LHX9: variants seen among roughly 807,000 people sequenced by gnomAD.
LHX9 encodes LIM/homeobox protein Lhx9.
A neutral mutation model predicts 36.5 loss-of-function variants in LHX9; 9 were observed. The ratio of observed to expected loss-of-function variants is 0.25; its 90% confidence interval spans 0.15 to 0.43. The LOEUF (loss-of-function observed/expected upper bound fraction) is 0.43, where lower values mean the gene tolerates loss of function less well. LHX9 is among the 20% of genes least tolerant of loss of function. The pLI, the probability that LHX9 is intolerant of heterozygous loss-of-function variation, is 1.00. For missense variants in LHX9, 464 were observed against 526.4 expected (o/e 0.88, Z 1.16); for synonymous variants, 211 against 212.1 (o/e 0.99, Z 0.04).
At position 197,929,192 on chromosome 1, in the gene LHX9, T is replaced by G. The variant is rs1400958462; in HGVS notation, c.1127T>G (p.Val376Gly). ...CCCACTATCACTGTAGTGACATCCG[T>G]GACCTCTAACATGGACAGCCACGAA... ...TNPTITVVTS[V>G]TSNMDSHESG... Residue 376 changes from valine to glycine, a missense_variant, in exon 5 of 5, where the codon GTG (valine) becomes GGG (glycine). Transcript: ENST00000367387. 2.5e-6 allele frequency: 4 copies of G among 1,602,962 alleles called. No individual in the cohort carries two copies. The African/African-American group carries it at 5.4e-5, about 22-fold the overall frequency.
rs1179171876 is a variant in LHX9 at position 197,925,142 on chromosome 1, T to C, written c.734-2449T>C. On this transcript the variant is annotated intron_variant, in intron 3 of 4. Coordinates refer to ENST00000367387, the MANE Select transcript of LHX9 (RefSeq NM_020204.3). ...CCCAACGAGCTATCTCCTTACATAT[T>C]GGATTGTGTATTTTATGTGGAAACA... Among the ~76,000 whole-genome samples, 2 of 43,730 alleles carry C rather than the reference T, an allele frequency of 4.6e-5. 1 individual carries two copies. The highest frequency in any genetic ancestry group is 2.0e-4 in the African/African-American group (2 of 10,154). 28.7% of individuals were successfully genotyped at this position (43,730 alleles called of 152,430 possible).
At chr1:197,916,996 C>A (rs554158372), upstream of LHX9, among the ~76,000 whole-genome samples, 4 of 152,132 alleles carry the variant, frequency 2.6e-5, no homozygotes, top group Non-Finnish European at 5.9e-5. Context: ...GAACTCGGAT[C>A]AAATAGGCGG....
chr1:197,918,311 G>C (rs1199871422), intron 1 of LHX9: 7 of 717,366 alleles, frequency 9.8e-6, no homozygotes, highest in Non-Finnish European at 1.6e-5. Context: ...TTGATTCCGG[G>C]GCAGGCGTCT....
At chr1:197,922,412 G>A (rs774818110) in intron 3 of LHX9, among the ~76,000 whole-genome samples, 2 of 152,142 alleles carry the variant, frequency 1.3e-5, no homozygotes, top group Non-Finnish European at 2.9e-5. Context: ...AAAACAACAT[G>A]CAGACAACAA....
chr1:197,917,359 C>G (rs1445266488), upstream of LHX9: 17 of 1,293,664 alleles, frequency 1.3e-5, no homozygotes, highest in Non-Finnish European at 1.6e-5. Context: ...TTGGACACAG[C>G]TCAGGCAGGA....
chr1:197,916,981 A>T (rs192015644), upstream of LHX9, among the ~76,000 whole-genome samples: 1 of 152,340 alleles, frequency 6.6e-6, no homozygotes, highest in East Asian at 1.9e-4. Flanking sequence ...CCAAGGTCTG[A>T]TCTTGAACTC....
chr1:197,917,468 T>C lies in LHX9; in HGVS notation c.-356T>C. On this transcript the variant is annotated 5_prime_UTR_variant, in exon 1 of 5. Coordinates refer to ENST00000367387, the MANE Select transcript of LHX9 (RefSeq NM_020204.3). The stretch of plus-strand genomic sequence containing the variant: ...TTCTTTCTTTGTGTTCAAAACTATT[T>C]TCTTTCTTCACCAGATTTTGTTTTC... 1 of 1,339,528 alleles carries C rather than the reference T, an allele frequency of 7.5e-7. No homozygotes were observed. The highest frequency in any genetic ancestry group is 1.2e-5 in the South Asian group (1 of 81,280). The allele number at this position is 1,339,528 out of a possible 1,614,324, so 83.0% of individuals were successfully genotyped here.
At chr1:197,927,848 A>G in intron 4 of LHX9, 55 bp downstream of exon 4, 3 of 1,465,454 alleles carry the variant, frequency 2.0e-6, no homozygotes, top group South Asian at 2.3e-5. Context: ...TTCCCAGTAA[A>G]AATAGTGCTC....
At chr1:197,923,785 A>G (rs1660067473) in intron 3 of LHX9, among the ~76,000 whole-genome samples, 1 of 152,210 alleles carries the variant, frequency 6.6e-6, no homozygotes, top group South Asian at 2.1e-4. Context: ...TTTAAGAAGA[A>G]TAAAAGAATC....
At chr1:197,924,242 T>G (rs539830694) in intron 3 of LHX9, among the ~76,000 whole-genome samples, 1 of 152,358 alleles carries the variant, frequency 6.6e-6, no homozygotes, top group African/African-American at 2.4e-5. Flanking sequence ...CTTGCTATCT[T>G]TCATTAAATG....
At chr1:197,918,092 G>A in intron 1 of LHX9, 95 bp downstream of exon 1, 3 of 1,404,886 alleles carry the variant, frequency 2.1e-6, no homozygotes, top group Non-Finnish European at 2.9e-6. Context: ...CGGAGCGGCG[G>A]GTCGTAGAGA....
rs939225636 is a variant in LHX9, at chr1:197,921,772, T to C, written c.733+113T>C. The C allele has an allele frequency of 1.1e-5, 9 of 834,408 alleles. No homozygotes were observed. In the Admixed American group the frequency reaches 2.6e-4, roughly 24 times the overall value. The allele number at this position is 834,408 out of a possible 1,614,324, so 51.7% of individuals were successfully genotyped here. ...AAGAGTGTGTTTTGCCCAATGCCTC[T>C]GTTCTCACTGCAACTCCCTCTCACT... On this transcript the variant is annotated intron_variant, in intron 3 of 4. Transcript: ENST00000367387. The surrounding 1 kb of genome is among the most constrained non-coding windows in gnomAD (Gnocchi z 4.6).
In LHX9 at chr1:197,934,122, A is replaced by G. The variant is rs1000093342; in HGVS notation, c.*4863A>G. 1 of 152,166 alleles carries G rather than the reference A, an allele frequency of 6.6e-6. No individual in the cohort carries two copies. The highest frequency in any genetic ancestry group is 6.5e-5 in the Admixed American group (1 of 15,280). 9.4% of individuals were successfully genotyped at this position (152,166 alleles called of 1,614,324 possible). Reference sequence around the variant, plus strand: ...CAAATAAGGATAAAACTCCATAATAAAGGACCCAAAGCAAATACTTTTAAA... The same window carrying G: ...CAAATAAGGATAAAACTCCATAATAGAGGACCCAAAGCAAATACTTTTAAA... On this transcript the variant is annotated 3_prime_UTR_variant, in exon 5 of 5. Transcript: ENST00000367387.
chr1:197,917,133 T>G, upstream of LHX9: 2 of 435,440 alleles, frequency 4.6e-6, no homozygotes, highest in Non-Finnish European at 6.1e-6. Flanking sequence ...CGCGCGCGTG[T>G]GTGTGTTTTG....
intron 2 of LHX9, 107 bp downstream of exon 2, chr1:197,920,281 G>A: frequency 2.9e-6 from 3 of 1,032,646 alleles, no homozygotes; most frequent in Middle Eastern, 4.5e-4. Context: ...CATTCCGGGT[G>A]CTGTTATCAT....
At position 197,927,700 on chromosome 1, in the gene LHX9, C is replaced by T; in HGVS notation, c.843C>T (p.Thr281=). ...RTSFKHHQLR[T]MKSYFAINHN... ...CTTTCAAGCATCACCAGCTCCGGACCATGAAATCCTACTTTGCCATCAACC... is the reference window on the plus strand; with the variant it reads ...CTTTCAAGCATCACCAGCTCCGGACTATGAAATCCTACTTTGCCATCAACC... The change falls in exon 4 of 5, where the codon ACC becomes ACT. Residue 281 remains threonine (T), a synonymous_variant. Coordinates refer to ENST00000367387, the MANE Select transcript of LHX9 (RefSeq NM_020204.3). 6.2e-7 allele frequency: 1 copy of T among 1,614,182 alleles called. No individual in the cohort carries two copies. The highest frequency in any genetic ancestry group is 2.2e-5 in the East Asian group (1 of 44,884).
rs764532873 is a variant in LHX9, at chr1:197,934,188, A to G, written c.*4929A>G. The G allele has an allele frequency of 3.3e-5, 5 of 152,204 alleles. No individual in the cohort carries two copies. The highest frequency in any genetic ancestry group is 7.4e-5 in the Non-Finnish European group (5 of 68,022). 9.4% of individuals were successfully genotyped at this position (152,204 alleles called of 1,614,324 possible). A position where few individuals can be genotyped will look rare whatever the true frequency, so the allele number is the denominator to read the frequency against. On this transcript the variant is annotated 3_prime_UTR_variant, in exon 5 of 5. Coordinates refer to ENST00000367387, the MANE Select transcript of LHX9 (RefSeq NM_020204.3). ...CATCACCTAAAACATAAATAGCTTT[A>G]TTTAGCAAAATCCCAGTGGAATCTA...
Position 197,929,917 on chromosome 1 carries a change from A to G in LHX9, c.*658A>G, listed in dbSNP as rs1028473282. 3.1e-6 allele frequency: 3 copies of G among 975,204 alleles called. No homozygotes were observed. Among genetic ancestry groups the G allele is most frequent in the African/African-American group, 3.5e-5 (2 of 56,974 alleles). 60.4% of individuals were successfully genotyped at this position (975,204 alleles called of 1,614,324 possible). A position where few individuals can be genotyped will look rare whatever the true frequency, so the allele number is the denominator to read the frequency against. On this transcript the variant is annotated 3_prime_UTR_variant, in exon 5 of 5. Transcript: ENST00000367387. ...CTTTTCCTTCTCTTAGGGGTGTACA[A>G]CTCTAAAAACTTTTTACTTGGTTAT...
At position 197,929,823 on chromosome 1, in the gene LHX9, A is replaced by G; in HGVS notation, c.*564A>G. 5 of 946,372 alleles carry G rather than the reference A, an allele frequency of 5.3e-6. No individual in the cohort carries two copies. The highest frequency in any genetic ancestry group is 6.3e-6 in the Non-Finnish European group (5 of 794,312). 58.6% of individuals were successfully genotyped at this position (946,372 alleles called of 1,614,324 possible). A position where few individuals can be genotyped will look rare whatever the true frequency, so the allele number is the denominator to read the frequency against. ...TTCAAGTGAGGAATATGATGAAATAAAAGCATTAACTACAGACATTTTAAA... is the reference window on the plus strand; with the variant it reads ...TTCAAGTGAGGAATATGATGAAATAGAAGCATTAACTACAGACATTTTAAA... On this transcript the variant is annotated 3_prime_UTR_variant, in exon 5 of 5. Coordinates refer to ENST00000367387, the MANE Select transcript of LHX9 (RefSeq NM_020204.3).
Sources: allele counts gnomAD v4.1 joint callset (sites outside exome capture counted in the v4.1 genomes callset), GRCh38; gene constraint gnomAD v4.1.1; non-coding constraint Gnocchi (gnomAD v3.1); transcripts MANE v1.5; gene names NCBI Gene and HGNC (gene_info 2026-07-23, HGNC 2026-07-21).